UBE4A: variants seen among roughly 807,000 people sequenced by gnomAD.
UBE4A encodes ubiquitination factor E4A.
A neutral mutation model predicts 117.9 loss-of-function variants in UBE4A; 48 were observed. That is an observed-to-expected ratio of 0.41 (90% CI 0.32 to 0.52). The LOEUF (loss-of-function observed/expected upper bound fraction) is 0.52. Ranked by LOEUF, UBE4A falls within the 20% of genes least tolerant of loss-of-function variation. The pLI, the probability that UBE4A is intolerant of heterozygous loss-of-function variation, is 0.33. For synonymous variants in UBE4A, 407 were observed against 450.0 expected, an observed-to-expected ratio of 0.90 and a Z score of 1.21; for missense variants, 1,067 against 1,296.3, an observed-to-expected ratio of 0.82 and a Z score of 2.72.
Position 118,379,368 on chromosome 11 carries a change from A to G in UBE4A, c.1572-78A>G, listed in dbSNP as rs555638300. On this transcript the variant is annotated intron_variant, in intron 10 of 19. Coordinates refer to ENST00000252108, the MANE Select transcript of UBE4A (RefSeq NM_001204077.2). ...CCCTACTATCCTTAAAGAGAAGGCT[A>G]GATAAATAATTGAGGATTTGTTTTT... 2.8e-6 allele frequency: 4 copies of G among 1,441,422 alleles called. No homozygotes were observed. In the East Asian group the frequency reaches 9.1e-5, roughly 33 times the overall value. The allele number at this position is 1,441,422 out of a possible 1,614,324, so 89.3% of individuals were successfully genotyped here.
At position 118,373,674 on chromosome 11, in the gene UBE4A, A is replaced by G. The variant is rs368222607; in HGVS notation, c.1105A>G (p.Asn369Asp). ...SPQEIKVQEA[N>D]IHQFMAQFHE... is the part of the protein sequence containing the mutation. ...CCAGGAGATCAAAGTACAGGAGGCC[A>G]ACATCCATCAGGTGGAACTGTTTAC... The change falls in exon 8 of 20, where the codon AAC (asparagine) becomes GAC (aspartate). Residue 369 changes from asparagine (N) to aspartate (D), a missense_variant. This residue lies in a region of UBE4A where 1,001 missense variants were observed against 1,184.0 expected (regional missense o/e 0.85). Coordinates refer to ENST00000252108, the MANE Select transcript of UBE4A (RefSeq NM_001204077.2). 5.8e-5 allele frequency: 93 copies of G among 1,613,606 alleles called. No homozygotes were observed. The highest frequency in any genetic ancestry group is 7.5e-5 in the Non-Finnish European group (89 of 1,179,840).
At chr11:118,386,308 G>C (rs782475709) in intron 15 of UBE4A, 130 bp from the exon 16 acceptor site, 3 of 980,972 alleles carry the variant, frequency 3.1e-6, no homozygotes, top group Non-Finnish European at 4.3e-6. Flanking sequence ...AGAAATAAAG[G>C]CTCATGTCTT....
rs1197847801 is a variant in UBE4A at position 118,396,523 on chromosome 11, C to A, written c.*83C>A. 1.3e-5 allele frequency: 19 copies of A among 1,420,368 alleles called. No homozygotes were observed. The Middle Eastern group carries it at 1.3e-3, about 96-fold the overall frequency. 88.0% of individuals were successfully genotyped at this position (1,420,368 alleles called of 1,614,324 possible). On this transcript the variant is annotated 3_prime_UTR_variant, in exon 20 of 20. Coordinates refer to ENST00000252108, the MANE Select transcript of UBE4A (RefSeq NM_001204077.2). ...TGGTTTCTCTCTTTCTGGTTCTGTT[C>A]CTTTTCTTTCTTCTTTTCTTTTTCT... is the stretch of plus-strand genomic sequence containing the variant.
At chr11:118,387,027 C>T (rs1051790670) in intron 16 of UBE4A, among the ~76,000 whole-genome samples, 3 of 152,156 alleles carry the variant, frequency 2.0e-5, no homozygotes, top group East Asian at 1.9e-4. Flanking sequence ...CCACTTGCAA[C>T]GTGTGGCTTT....
rs1484185121 is a variant in UBE4A at position 118,396,295 on chromosome 11, C to G, written c.3075-19C>G. On this transcript the variant is annotated intron_variant, in intron 19 of 19. Coordinates refer to ENST00000252108, the MANE Select transcript of UBE4A (RefSeq NM_001204077.2). ...AACTTATGGAAATAACCCTATTTCC[C>G]TTTCTCTCTTTGTCCCAGTGACCAA... The G allele has an allele frequency of 1.9e-6, 3 of 1,604,474 alleles. No homozygotes were observed. In the African/African-American group the frequency reaches 4.0e-5, roughly 22 times the overall value.
At chr11:118,365,338 C>A in intron 2 of UBE4A, 137 bp downstream of exon 2, 1 of 1,292,410 alleles carries the variant, frequency 7.7e-7, no homozygotes, top group Admixed American at 3.1e-5. Flanking sequence ...TTGTTGAGAG[C>A]AGAAATTGGG....
chr11:118,373,781 A>G (rs1263841177), intron 8 of UBE4A, 96 bp downstream of exon 8: 2 of 1,395,480 alleles, frequency 1.4e-6, no homozygotes, highest in East Asian at 5.0e-5. Context: ...TCTCTGGGAA[A>G]GCAAATTGAT....
Position 118,397,768 on chromosome 11 carries a change from T to A in UBE4A, c.*1328T>A, listed in dbSNP as rs1456147954. 2 of 152,240 alleles carry A rather than the reference T, an allele frequency of 1.3e-5. No homozygotes were observed. The highest frequency in any genetic ancestry group is 4.8e-5 in the African/African-American group (2 of 41,464). The allele number at this position is 152,240 out of a possible 1,614,324, so 9.4% of individuals were successfully genotyped here. A position where few individuals can be genotyped will look rare whatever the true frequency, so the allele number is the denominator to read the frequency against. ...TCACTGCTTCATTTGGAACATGTTA[T>A]TAACTATGGTCTCTTTCAAATAAAT... On this transcript the variant is annotated 3_prime_UTR_variant, in exon 20 of 20. Transcript: ENST00000252108.
At chr11:118,388,318 C>T (rs1401802072) in intron 16 of UBE4A, among the ~76,000 whole-genome samples, 1 of 152,030 alleles carries the variant, frequency 6.6e-6, no homozygotes, top group Non-Finnish European at 1.5e-5. Flanking sequence ...TTTTGGAATT[C>T]ATGCCCTATA....
At chr11:118,376,255 C>T (rs543760216) in intron 9 of UBE4A, among the ~76,000 whole-genome samples, 68 of 152,284 alleles carry the variant, frequency 4.5e-4, no homozygotes, top group African/African-American at 1.5e-3. Flanking sequence ...TTTTATAATT[C>T]TAATTGTAAA....
At position 118,384,936 on chromosome 11, in the gene UBE4A, A is replaced by G. The variant is rs927409767; in HGVS notation, c.2403A>G (p.Glu801=). The change falls in exon 15 of 20, where the codon GAA becomes GAG. Residue 801 remains glutamate, a synonymous_variant. Coordinates refer to ENST00000252108, the MANE Select transcript of UBE4A (RefSeq NM_001204077.2). ...ATGATGCCATCTTCCTTTTGGATGA[A>G]GCCATACAGGTAAAAAAAAAAAAAA... is the stretch of plus-strand genomic sequence containing the variant. ...LMNDAIFLLD[E]AIQYLSKIKI... The G allele has an allele frequency of 1.9e-6, 3 of 1,564,668 alleles. No homozygotes were observed. Among genetic ancestry groups the G allele is most frequent in the East Asian group, 4.5e-5 (2 of 44,606 alleles).
chr11:118,386,075 T>C (rs1160821024), intron 15 of UBE4A, among the ~76,000 whole-genome samples: 3 of 152,200 alleles, frequency 2.0e-5, no homozygotes, highest in African/African-American at 7.2e-5. Context: ...TTTTCATCTT[T>C]CAGGAAGGAT....
Position 118,398,610 on chromosome 11 carries a change from A to G in UBE4A, c.*2170A>G, listed in dbSNP as rs1366449556. The stretch of plus-strand genomic sequence containing the variant: ...TAAAAAGGTGTTTTGTCTGGAACTT[A>G]GAAGCAGCTCTAAATCTAGTAGAGC... On this transcript the variant is annotated 3_prime_UTR_variant, in exon 20 of 20. Transcript: ENST00000252108. 1 of 152,596 alleles carries G rather than the reference A, an allele frequency of 6.6e-6. No homozygotes were observed. Among genetic ancestry groups the G allele is most frequent in the Non-Finnish European group, 1.5e-5 (1 of 68,226 alleles). 9.5% of individuals were successfully genotyped at this position (152,596 alleles called of 1,614,324 possible). A position where few individuals can be genotyped will look rare whatever the true frequency, so the allele number is the denominator to read the frequency against.
chr11:118,374,113 C>CAA (rs549023556), intron 8 of UBE4A, among the ~76,000 whole-genome samples: 19 of 143,264 alleles, frequency 1.3e-4, no homozygotes, highest in South Asian at 4.4e-4. Context: ...GACTCTGTCT[C>CAA]AAAAAAAAAA....
intron 1 of UBE4A, among the ~76,000 whole-genome samples, chr11:118,362,085 T>C (rs1948524860): frequency 6.6e-6 from 1 of 152,168 alleles, no homozygotes; most frequent in African/African-American, 2.4e-5. Context: ...TAATGCAGTT[T>C]ATGGTGATAA....
intron 19 of UBE4A, 140 bp downstream of exon 19, chr11:118,393,035 T>G (rs1373603781): frequency 2.4e-6 from 2 of 836,182 alleles, no homozygotes; most frequent in East Asian, 2.9e-5. Context: ...GAAGACATTT[T>G]GGTTTCAATT....
At chr11:118,366,355 G>T (rs1438228202) in intron 2 of UBE4A, among the ~76,000 whole-genome samples, 1 of 152,174 alleles carries the variant, frequency 6.6e-6, no homozygotes, top group Non-Finnish European at 1.5e-5. Flanking sequence ...GTGGTTGAGG[G>T]AAATTTTGCT....
chr11:118,376,775 C>T, intron 10 of UBE4A, 81 bp downstream of exon 10: 1 of 1,475,764 alleles, frequency 6.8e-7, no homozygotes. Flanking sequence ...TTTGGCCAGG[C>T]ACAGTAGCTC....
At position 118,390,743 on chromosome 11, in the gene UBE4A, A is replaced by G; in HGVS notation, c.2855A>G (p.Lys952Arg). ...TTTGCACAGACAGTTCGAGTCTTGA[A>G]GAAAATAAATAAGCCTGGGAATATG... is the stretch of plus-strand genomic sequence containing the variant. ...TLFAQTVRVL[K>R]KINKPGNMIM... Residue 952 changes from lysine (K) to arginine (R), a missense_variant, in exon 18 of 20, where the codon AAG becomes AGG. Physicochemically the swap from Lys to Arg is conservative, Grantham distance 26. This residue lies in a region of UBE4A where 1,001 missense variants were observed against 1,184.0 expected (regional missense o/e 0.85). Coordinates refer to ENST00000252108, the MANE Select transcript of UBE4A (RefSeq NM_001204077.2). 6.2e-7 allele frequency: 1 copy of G among 1,608,338 alleles called. No homozygotes were observed. Among genetic ancestry groups the G allele is most frequent in the Non-Finnish European group, 8.5e-7 (1 of 1,177,422 alleles).
Sources: gnomAD v4.1 joint callset for allele counts (sites outside exome capture counted in the v4.1 genomes callset) on GRCh38, gnomAD v4.1.1 for gene constraint, gnomAD v4.1.1 regional missense constraint, MANE v1.5 for transcripts, NCBI Gene and HGNC (gene_info 2026-07-23, HGNC 2026-07-21) for gene names.